RUFY1: variants seen among roughly 807,000 people sequenced by gnomAD.
The protein encoded by RUFY1 is RUN and FYVE domain-containing protein 1.
RUFY1 carries 54 observed loss-of-function variants against 94.6 expected under a neutral mutation model. That is an observed-to-expected ratio of 0.57 (90% CI 0.46 to 0.72). The LOEUF (loss-of-function observed/expected upper bound fraction) is 0.72. RUFY1 is among the 30% of genes least tolerant of loss of function. RUFY1 has a pLI of 0.00. For missense variants in RUFY1, 883 were observed against 883.9 expected (o/e 1.00, Z 0.01); for synonymous variants, 396 against 347.3 (o/e 1.14, Z -1.56).
chr5:179,559,606 G>T (rs1762284299), intron 1 of RUFY1: 2 of 942,072 alleles, frequency 2.1e-6, no homozygotes, highest in South Asian at 9.0e-5. Flanking sequence ...CGCCCAATAG[G>T]AATGTTTGGG....
intron 17 of RUFY1, 33 bp from the exon 18 acceptor site, chr5:179,609,343 G>A: frequency 6.2e-7 from 1 of 1,605,880 alleles, no homozygotes; most frequent in Non-Finnish European, 8.5e-7. Flanking sequence ...TTTTCCCCGG[G>A]TGTCCTGTGA....
chr5:179,562,264 A>C (rs756014352), intron 2 of RUFY1, among the ~76,000 whole-genome samples: 6 of 151,944 alleles, frequency 3.9e-5, no homozygotes, highest in Non-Finnish European at 5.9e-5. Flanking sequence ...ATACAAAATT[A>C]GCCCGGCGTT....
At position 179,567,480 on chromosome 5, in the gene RUFY1, C is replaced by G; in HGVS notation, c.622C>G (p.Arg208Gly). Residue 208 changes from arginine (R) to glycine (G), a missense_variant, in exon 4 of 18, where the codon CGA becomes GGA. By Grantham distance (125) the Arg-to-Gly change is moderately radical. Coordinates refer to ENST00000319449, the MANE Select transcript of RUFY1 (RefSeq NM_025158.5). Reference protein sequence around the residue: ...PELKTAVGRGRAWLYLALMQK... With the variant: ...PELKTAVGRGGAWLYLALMQK... ...TTCTAGGACAGCTGTGGGAAGAGGC[C>G]GAGCGTGGCTTTATCTTGCACTCAT... 1 of 1,613,760 alleles carries G rather than the reference C, an allele frequency of 6.2e-7. No homozygotes were observed. The highest frequency in any genetic ancestry group is 1.1e-5 in the South Asian group (1 of 91,080).
rs1329529392 is a variant in RUFY1 at position 179,567,570 on chromosome 5, A to G, written c.704+8A>G. ...CAATAAACATCTCTTAAGGTATTTC[A>G]TCAACCATGTTTGCTTATCTTTTGC... is the stretch of plus-strand genomic sequence containing the variant. On this transcript the variant is annotated splice_region_variant and intron_variant, in intron 4 of 17. Transcript: ENST00000319449. 3 of 1,572,396 alleles carry G rather than the reference A, an allele frequency of 1.9e-6. No homozygotes were observed. In the South Asian group the frequency reaches 3.3e-5, roughly 17 times the overall value.
intron 3 of RUFY1, among the ~76,000 whole-genome samples, chr5:179,564,075 C>T (rs1007912653): frequency 4.6e-5 from 7 of 151,616 alleles, no homozygotes; most frequent in African/African-American, 1.5e-4. Context: ...CTCACTCACT[C>T]CCTCAAGAGT....
At position 179,590,376 on chromosome 5, in the gene RUFY1, T is replaced by C. The variant is rs538804924; in HGVS notation, c.1128+729T>C. ...CTCAAAAAAAAAAAGAGAGACCATA[T>C]CTGATTGACTTCTAAATTCACTCAG... On this transcript the variant is annotated intron_variant, in intron 9 of 17. Transcript: ENST00000319449. Among the ~76,000 whole-genome samples, 23 of 151,330 alleles carry C rather than the reference T, an allele frequency of 1.5e-4. No homozygotes were observed. The East Asian group carries it at 3.9e-3, about 26-fold the overall frequency.
chr5:179,607,553 T>TG (rs1208467194), intron 16 of RUFY1, 29 bp from the exon 17 acceptor site: 2 of 1,605,640 alleles, frequency 1.2e-6, no homozygotes, highest in East Asian at 2.2e-5. Flanking sequence ...AGACAGAAAG[T>TG]GGATTCTAGA....
intron 16 of RUFY1, chr5:179,607,097 C>T (rs375956811): frequency 9.9e-5 from 17 of 171,446 alleles, no homozygotes; most frequent in African/African-American, 2.2e-4. Flanking sequence ...GCCTGTGGGA[C>T]GCAGTGCCCG....
At chr5:179,607,149 C>CA (rs1767178307) in intron 16 of RUFY1, 1 of 207,886 alleles carries the variant, frequency 4.8e-6, no homozygotes, top group Admixed American at 5.3e-5. Flanking sequence ...TCAGCGTCAA[C>CA]AAGTGTCTTA....
chr5:179,558,668 C>A (rs970460832), intron 1 of RUFY1, among the ~76,000 whole-genome samples: 3 of 151,962 alleles, frequency 2.0e-5, no homozygotes, highest in Non-Finnish European at 2.9e-5. Flanking sequence ...TAGGCTGTTT[C>A]TTCTTGCCCA....
chr5:179,584,013 G>T (rs1764402931), intron 7 of RUFY1, among the ~76,000 whole-genome samples: 1 of 152,196 alleles, frequency 6.6e-6, no homozygotes, highest in African/African-American at 2.4e-5. Context: ...CTCCCAAAGT[G>T]CTGGGATTAC....
chr5:179,571,921 T>C (rs115088191), intron 5 of RUFY1, among the ~76,000 whole-genome samples: 2,285 of 152,332 alleles, frequency 0.015, 20 homozygotes, highest in Non-Finnish European at 0.021. Flanking sequence ...TTATTTGTTA[T>C]AAATTTTTTT....
chr5:179,565,084 A>G (rs1012110381), intron 3 of RUFY1, among the ~76,000 whole-genome samples: 7 of 151,458 alleles, frequency 4.6e-5, no homozygotes, highest in Admixed American at 1.3e-4. Flanking sequence ...AGAGGACACT[A>G]TATTAGTGTA....
intron 3 of RUFY1, among the ~76,000 whole-genome samples, chr5:179,566,729 G>A (rs1581443299): frequency 2.0e-5 from 3 of 151,770 alleles, no homozygotes; most frequent in Non-Finnish European, 4.4e-5. Context: ...TATGTTCTGT[G>A]TATCTTACCA....
intron 10 of RUFY1, among the ~76,000 whole-genome samples, 170 bp downstream of exon 10, chr5:179,591,911 C>T (rs537417973): frequency 1.8e-4 from 28 of 152,038 alleles, no homozygotes; most frequent in Admixed American, 8.5e-4. Context: ...TGCATTGTCA[C>T]TCATATTTTT....
intron 2 of RUFY1, 38 bp downstream of exon 2, chr5:179,560,236 G>A (rs1762337005): frequency 2.5e-6 from 4 of 1,600,154 alleles, no homozygotes; most frequent in Non-Finnish European, 3.4e-6. Flanking sequence ...TGGAAGTTCG[G>A]GCTGGGTGTT....
intron 3 of RUFY1, 111 bp from the exon 4 acceptor site, chr5:179,567,350 G>C (rs748318674): frequency 2.6e-6 from 2 of 770,086 alleles, no homozygotes; most frequent in Non-Finnish European, 4.4e-6. Context: ...TTAGAGTATC[G>C]TCTGCATTTA....
chr5:179,600,684 CTTTTTTTTTTTTT>C (rs398000079), intron 14 of RUFY1, among the ~76,000 whole-genome samples: 4 of 54,662 alleles, frequency 7.3e-5, no homozygotes, highest in Non-Finnish European at 9.2e-5. Context: ...ATGATGGTAA[CTTTTTTTTTTTTT>C]TTTTTTTTTT....
chr5:179,606,694 A>T (rs1220138632), intron 16 of RUFY1: 1 of 152,390 alleles, frequency 6.6e-6, no homozygotes, highest in African/African-American at 2.4e-5. Flanking sequence ...CTTCTAGGTA[A>T]TATCAGTTTC....
Sources: gnomAD v4.1 joint callset for allele counts (sites outside exome capture counted in the v4.1 genomes callset) on GRCh38, gnomAD v4.1.1 for gene constraint, MANE v1.5 for transcripts, NCBI Gene and HGNC (gene_info 2026-07-23, HGNC 2026-07-21) for gene names.